RPP14: variants seen among roughly 807,000 people sequenced by gnomAD.
The protein encoded by RPP14 is ribonuclease P protein subunit p14.
RPP14 carries 19 observed loss-of-function variants against 17.8 expected under a neutral mutation model. That is an observed-to-expected ratio of 1.07 (90% CI 0.74 to 1.57). RPP14 has a LOEUF of 1.57. Among genes scored for constraint, RPP14 ranks in the 40% most tolerant of loss-of-function variants. RPP14 has a pLI of 0.00. For missense variants in RPP14, 125 were observed against 140.8 expected (o/e 0.89, Z 0.57); for synonymous variants, 60 against 56.4 (o/e 1.06, Z -0.29).
intron 1 of RPP14, 28 bp downstream of exon 1, chr3:58,306,445 G>C (rs554858975): frequency 1.3e-5 from 2 of 152,450 alleles, no homozygotes; most frequent in East Asian, 3.9e-4. Flanking sequence ...AAAGAGCGGC[G>C]GTTGTCTGGG....
intron 3 of RPP14, among the ~76,000 whole-genome samples, chr3:58,312,343 C>CCCG (rs1553724610): frequency 5.5e-5 from 7 of 128,342 alleles, no homozygotes; most frequent in African/African-American, 1.7e-4. Context: ...CACCCCCCCC[C>CCCG]GCCCCTCCCG....
intron 3 of RPP14, among the ~76,000 whole-genome samples, chr3:58,314,717 G>A (rs1005563838): frequency 1.6e-4 from 18 of 114,828 alleles, no homozygotes; most frequent in Non-Finnish European, 2.1e-4. Flanking sequence ...ATGGAGTCTC[G>A]TTCTGTCACC....
chr3:58,312,483 C>T (rs2097483411), intron 3 of RPP14, among the ~76,000 whole-genome samples: 3 of 152,032 alleles, frequency 2.0e-5, no homozygotes, highest in Admixed American at 1.3e-4. Flanking sequence ...CAGAAGTAAA[C>T]TTTCAGAAGT....
chr3:58,312,804 T>A (rs2097483730), intron 3 of RPP14, among the ~76,000 whole-genome samples: 1 of 151,650 alleles, frequency 6.6e-6, no homozygotes, highest in African/African-American at 2.4e-5. Flanking sequence ...CTACTGAAAA[T>A]ACAAAAATTA....
At chr3:58,310,965 CAAA>C (rs3038127) in intron 3 of RPP14, among the ~76,000 whole-genome samples, 2,729 of 142,712 alleles carry the variant, frequency 0.019, 58 homozygotes, top group African/African-American at 0.053. Flanking sequence ...TTTCAAACAT[CAAA>C]AAAAAAAAAA....
At chr3:58,306,943 A>C (rs2097475828) in intron 1 of RPP14, among the ~76,000 whole-genome samples, 1 of 152,178 alleles carries the variant, frequency 6.6e-6, no homozygotes, top group Non-Finnish European at 1.5e-5. Context: ...GGGACGGGGC[A>C]TGGGGGTGGG....
At chr3:58,306,871 A>C (rs1350709697) in intron 1 of RPP14, among the ~76,000 whole-genome samples, 1 of 152,246 alleles carries the variant, frequency 6.6e-6, no homozygotes, top group Non-Finnish European at 1.5e-5. Flanking sequence ...GGAAGTACAG[A>C]TAAAGATAAA....
intron 5 of RPP14, 74 bp downstream of exon 5, chr3:58,317,067 A>G (rs2097489063): frequency 9.5e-7 from 1 of 1,056,008 alleles, no homozygotes; most frequent in East Asian, 2.4e-5. Context: ...TACACAACTC[A>G]TTTTTGTGCT....
chr3:58,310,229 C>A, intron 1 of RPP14, 80 bp from the exon 2 acceptor site: 1 of 1,153,030 alleles, frequency 8.7e-7, no homozygotes, highest in Non-Finnish European at 1.3e-6. Context: ...CAAAAAAAAC[C>A]CAAATAGGCC....
In RPP14 at chr3:58,310,271, G is replaced by A. The variant is rs1394907080; in HGVS notation, c.-21-38G>A. ...TCATCAAAACTCTGAAAAATAGCAT[G>A]TGCATTGGTCATTTCTAGCCCTCTT... On this transcript the variant is annotated intron_variant, in intron 1 of 5. Transcript: ENST00000295959. The A allele has an allele frequency of 2.1e-5, 31 of 1,468,860 alleles. 1 individual carries two copies. Among genetic ancestry groups the A allele is most frequent in the Admixed American group, 1.1e-4 (6 of 56,750 alleles). The allele number at this position is 1,468,860 out of a possible 1,614,324, so 91.0% of individuals were successfully genotyped here.
At chr3:58,310,928 CAA>C (rs35474505) in intron 3 of RPP14, among the ~76,000 whole-genome samples, 3 of 118,954 alleles carry the variant, frequency 2.5e-5, no homozygotes, top group Non-Finnish European at 3.8e-5. Flanking sequence ...GACTCTGTCA[CAA>C]AAAAAAAAAT....
intron 3 of RPP14, among the ~76,000 whole-genome samples, chr3:58,311,733 G>C (rs1240396543): frequency 6.7e-6 from 1 of 148,742 alleles, no homozygotes; most frequent in Non-Finnish European, 1.5e-5. Flanking sequence ...CCCCACCTTG[G>C]CTTCCCAAAG....
chr3:58,315,011 G>A (rs1366073546), intron 3 of RPP14, among the ~76,000 whole-genome samples: 6 of 152,042 alleles, frequency 3.9e-5, no homozygotes, highest in African/African-American at 1.4e-4. Context: ...AACTAAACGT[G>A]CATCTGCCAT....
chr3:58,316,582 T>C lies in RPP14; in HGVS notation c.230T>C (p.Ile77Thr). The stretch of plus-strand genomic sequence containing the variant: ...AAGACCTTGTCAGCCATCTTGAGAA[T>C]ATGTAGCAGGTATGACAGAGAGTGG... ...EEKTLSAILR[I>T]CSSGLVKLWS... Residue 77 changes from isoleucine (I) to threonine (T), a missense_variant, in exon 4 of 6, where the codon ATA (isoleucine) becomes ACA (threonine). Ile to Thr is a moderately conservative substitution (Grantham distance 89). Transcript: ENST00000295959. The C allele has an allele frequency of 6.2e-7, 1 of 1,613,804 alleles. No individual in the cohort carries two copies. The highest frequency in any genetic ancestry group is 8.5e-7 in the Non-Finnish European group (1 of 1,179,712).
At chr3:58,307,696 AAAC>A (rs1393011425) in intron 1 of RPP14, 2 of 152,250 alleles carry the variant, frequency 1.3e-5, no homozygotes, top group African/African-American at 4.8e-5. Flanking sequence ...ATCTCAAAAC[AAAC>A]AACAAGACTG....
At chr3:58,310,915 C>T (rs1216112836) in intron 3 of RPP14, among the ~76,000 whole-genome samples, 1 of 130,382 alleles carries the variant, frequency 7.7e-6, no homozygotes, top group Admixed American at 8.2e-5. Flanking sequence ...GGCAACAGAG[C>T]GAGACTCTGT....
chr3:58,317,536 ATATT>A lies in RPP14; in HGVS notation c.*46_*49del, dbSNP rs1559796365. The A allele has an allele frequency of 7.2e-7, 1 of 1,387,212 alleles. No homozygotes were observed. The highest frequency in any genetic ancestry group is 1.4e-5 in the African/African-American group (1 of 69,492). 85.9% of individuals were successfully genotyped at this position (1,387,212 alleles called of 1,614,324 possible). A position where few individuals can be genotyped will look rare whatever the true frequency, so the allele number is the denominator to read the frequency against. On this transcript the variant is annotated 3_prime_UTR_variant, in exon 6 of 6. Coordinates refer to ENST00000295959, the MANE Select transcript of RPP14 (RefSeq NM_007042.6). The stretch of plus-strand genomic sequence containing the variant: ...ATTTTGGAAACGTTCATCCACTCTC[ATATT>A]TATTTTTTGGTGCCTGCATGTTTGA...
Position 58,317,968 on chromosome 3 carries a change from T to C in RPP14, c.*472T>C, listed in dbSNP as rs1411698493. On this transcript the variant is annotated 3_prime_UTR_variant, in exon 6 of 6. Coordinates refer to ENST00000295959, the MANE Select transcript of RPP14 (RefSeq NM_007042.6). ...GGAAATTAGCTTTCCAGCCCCTTTATATATTGGAGAAGTTGTTTTAGCTTC... is the reference window on the plus strand; with the variant it reads ...GGAAATTAGCTTTCCAGCCCCTTTACATATTGGAGAAGTTGTTTTAGCTTC... The C allele has an allele frequency of 1.4e-6, 1 of 702,944 alleles. No homozygotes were observed. Among genetic ancestry groups the C allele is most frequent in the Non-Finnish European group, 2.6e-6 (1 of 384,990 alleles). 43.5% of individuals were successfully genotyped at this position (702,944 alleles called of 1,614,324 possible).
At position 58,317,475 on chromosome 3, in the gene RPP14, T is replaced by C; in HGVS notation, c.354T>C (p.Ser118=). 3 of 1,597,454 alleles carry C rather than the reference T, an allele frequency of 1.9e-6. No homozygotes were observed. Among genetic ancestry groups the C allele is most frequent in the South Asian group, 1.1e-5 (1 of 90,604 alleles). ...TTCTTCTTGCATTATCTGGTAATAG[T>C]AGGGAACTAGTATTGGATTGAATGA... The part of the protein sequence containing the change: ...SPFLLALSGN[S]RELVLD Residue 118 remains serine (S), a synonymous_variant, in exon 6 of 6, where the codon AGT becomes AGC. Transcript: ENST00000295959.
Sources: allele counts gnomAD v4.1 joint callset (sites outside exome capture counted in the v4.1 genomes callset), GRCh38; gene constraint gnomAD v4.1.1; transcripts MANE v1.5; gene names NCBI Gene and HGNC (gene_info 2026-07-23, HGNC 2026-07-21).